Variants in CADM2 observed in about 807,000 individuals in gnomAD.
CADM2 encodes cell adhesion molecule 2, also known as immunoglobulin superfamily member 4D.
A neutral mutation model predicts 49.8 loss-of-function variants in CADM2; 12 were observed. That is an observed-to-expected ratio of 0.24 (90% CI 0.15 to 0.39). The LOEUF (loss-of-function observed/expected upper bound fraction) is 0.39, where lower values mean the gene tolerates loss of function less well. Among genes scored for constraint, CADM2 ranks in the 10% least tolerant of loss-of-function variants. The pLI, the probability that CADM2 is intolerant of heterozygous loss-of-function variation, is 1.00. For synonymous variants in CADM2, 214 were observed against 175.4 expected, an observed-to-expected ratio of 1.22 and a Z score of -1.74; for missense variants, 378 against 492.3, an observed-to-expected ratio of 0.77 and a Z score of 2.20.
chr3:85,850,991 T>C (rs865976725), intron 3 of CADM2, among the ~76,000 whole-genome samples: 1 of 152,144 alleles, frequency 6.6e-6, no homozygotes, highest in Non-Finnish European at 1.5e-5. Flanking sequence ...GTCTTATTTA[T>C]TATTTGATCC....
chr3:85,450,128 A>G (rs1463248150), intron 1 of CADM2, among the ~76,000 whole-genome samples: 1 of 152,196 alleles, frequency 6.6e-6, no homozygotes, highest in Non-Finnish European at 1.5e-5. Context: ...ACATCAAATC[A>G]GTGAAGAAAA....
chr3:85,275,646 A>C (rs2043339659), intron 1 of CADM2, among the ~76,000 whole-genome samples: 2 of 151,196 alleles, frequency 1.3e-5, no homozygotes, highest in South Asian at 4.1e-4. Flanking sequence ...CTGCTCTCAA[A>C]TTGTTACAAT....
intron 1 of CADM2, among the ~76,000 whole-genome samples, chr3:85,507,742 A>G (rs1184644132): frequency 6.6e-6 from 1 of 152,200 alleles, no homozygotes; most frequent in Non-Finnish European, 1.5e-5. Flanking sequence ...ATTATATTTA[A>G]GGATTTTTAC....
At chr3:85,382,038 A>T (rs1241947461) in intron 1 of CADM2, among the ~76,000 whole-genome samples, 1 of 152,046 alleles carries the variant, frequency 6.6e-6, no homozygotes, top group Non-Finnish European at 1.5e-5. Context: ...GTGATCAGTT[A>T]TGAAAAAAGA....
At chr3:85,196,764 A>C (rs1238165280) in intron 1 of CADM2, among the ~76,000 whole-genome samples, 1 of 151,952 alleles carries the variant, frequency 6.6e-6, no homozygotes, top group Non-Finnish European at 1.5e-5. Context: ...TCACTAATCC[A>C]TACATTGCAG....
intron 3 of CADM2, among the ~76,000 whole-genome samples, chr3:85,867,504 A>G (rs2075767681): frequency 6.6e-6 from 1 of 152,088 alleles, no homozygotes. Flanking sequence ...TGCCAGTCTC[A>G]AAAGTAAATG....
At chr3:85,739,291 G>C (rs867177871) in intron 2 of CADM2, among the ~76,000 whole-genome samples, 3 of 152,162 alleles carry the variant, frequency 2.0e-5, no homozygotes, top group South Asian at 4.1e-4. Context: ...CATCTTGTAA[G>C]CAATGTTTCA....
chr3:85,191,945 TTG>T (rs3085115), intron 1 of CADM2, among the ~76,000 whole-genome samples: 39,760 of 148,844 alleles, frequency 0.27, 5,468 homozygotes, highest in Admixed American at 0.39. Context: ...GATGAAACAG[TTG>T]TGTGTGTGTG....
chr3:85,937,779 A>G (rs564602891), intron 7 of CADM2, among the ~76,000 whole-genome samples: 16 of 151,866 alleles, frequency 1.1e-4, no homozygotes, highest in Non-Finnish European at 1.9e-4. Flanking sequence ...TTTCTACCAA[A>G]CTAGTCGTTT....
intron 1 of CADM2, among the ~76,000 whole-genome samples, chr3:85,438,330 T>C (rs1429756960): frequency 2.6e-5 from 4 of 151,000 alleles, no homozygotes; most frequent in African/African-American, 9.7e-5. Context: ...ATTATCTGTA[T>C]CTTATGCATG....
intron 1 of CADM2, among the ~76,000 whole-genome samples, chr3:85,390,396 T>C (rs1033142628): frequency 2.0e-5 from 3 of 152,108 alleles, no homozygotes; most frequent in Non-Finnish European, 4.4e-5. Context: ...TATTGAAGTG[T>C]AAAATCACAC....
intron 8 of CADM2, among the ~76,000 whole-genome samples, chr3:85,976,317 GAC>G (rs1488509687): frequency 2.6e-5 from 4 of 151,528 alleles, no homozygotes; most frequent in Admixed American, 2.0e-4. Context: ...TGTCTAGTGG[GAC>G]ACTGAGAGCA....
At chr3:86,035,811 T>C (rs1735086504) in intron 8 of CADM2, among the ~76,000 whole-genome samples, 2 of 152,114 alleles carry the variant, frequency 1.3e-5, no homozygotes, top group Non-Finnish European at 2.9e-5. Context: ...TAAAATATGA[T>C]ATACTGGTGG....
chr3:85,541,501 C>G (rs1313600004), intron 1 of CADM2, among the ~76,000 whole-genome samples: 1 of 96,982 alleles, frequency 1.0e-5, no homozygotes, highest in Non-Finnish European at 2.5e-5. Flanking sequence ...GATAGGAGAA[C>G]TTATATTAAA....
intron 2 of CADM2, among the ~76,000 whole-genome samples, chr3:85,743,370 C>A (rs2068473799): frequency 6.6e-6 from 1 of 152,146 alleles, no homozygotes; most frequent in Non-Finnish European, 1.5e-5. Flanking sequence ...TTTTCACAGG[C>A]AACAGAAAAA....
At chr3:85,000,789 G>A (rs549547433) in intron 1 of CADM2, among the ~76,000 whole-genome samples, 1 of 151,956 alleles carries the variant, frequency 6.6e-6, no homozygotes, top group South Asian at 2.1e-4. Flanking sequence ...GTGTGCATGT[G>A]TATATACAGA....
chr3:85,170,453 C>T (rs2040593017), intron 1 of CADM2, among the ~76,000 whole-genome samples: 1 of 151,698 alleles, frequency 6.6e-6, no homozygotes, highest in Admixed American at 6.6e-5. Flanking sequence ...ATTCTTCTGC[C>T]TCAATCTCCT....
chr3:86,030,730 AATC>A (rs1219463947), intron 8 of CADM2, among the ~76,000 whole-genome samples: 1 of 151,930 alleles, frequency 6.6e-6, no homozygotes, highest in Non-Finnish European at 1.5e-5. Context: ...TTCAACTGTG[AATC>A]TAGCACAAGG....
chr3:85,090,233 A>G (rs1473305450), intron 1 of CADM2, among the ~76,000 whole-genome samples: 1 of 152,126 alleles, frequency 6.6e-6, no homozygotes, highest in Non-Finnish European at 1.5e-5. Flanking sequence ...AATAGTTACA[A>G]TGGATATGTT....
Sources: allele counts gnomAD v4.1 joint callset (sites outside exome capture counted in the v4.1 genomes callset), GRCh38; gene constraint gnomAD v4.1.1; transcripts MANE v1.5; gene names NCBI Gene and HGNC (gene_info 2026-07-23, HGNC 2026-07-21).